Variants in KCTD7 observed in about 807,000 individuals in gnomAD.
The protein encoded by KCTD7 is potassium channel tetramerization domain containing 7.
A neutral mutation model predicts 27.0 loss-of-function variants in KCTD7; 15 were observed. That is an observed-to-expected ratio of 0.56 (90% CI 0.37 to 0.86). The LOEUF (loss-of-function observed/expected upper bound fraction) is 0.86, where lower values mean the gene tolerates loss of function less well. Ranked by LOEUF, KCTD7 falls within the 40% of genes least tolerant of loss-of-function variation. The probability of loss-of-function intolerance (pLI) is 0.00; values close to 1 mark genes in which losing one functional copy is unlikely to be tolerated. For synonymous variants in KCTD7, 159 were observed against 162.7 expected, an observed-to-expected ratio of 0.98 and a Z score of 0.17; for missense variants, 299 against 398.9, an observed-to-expected ratio of 0.75 and a Z score of 2.13.
At position 66,629,166 on chromosome 7, in the gene KCTD7, G is replaced by A. The variant is rs769985127; in HGVS notation, c.102G>A (p.Thr34=). ...EDDFLEPATP[T]ATQAGHALPL... is the part of the protein sequence containing the mutation. ...ACTTTCTGGAGCCGGCCACGCCGACGGCCACGCAGGCGGGGCACGCGCTGC... is the reference window on the plus strand; with the variant it reads ...ACTTTCTGGAGCCGGCCACGCCGACAGCCACGCAGGCGGGGCACGCGCTGC... The change falls in exon 1 of 4, where the codon ACG becomes ACA. Residue 34 remains threonine (T), a synonymous_variant. Transcript: ENST00000639828. 14 of 1,522,682 alleles carry A rather than the reference G, an allele frequency of 9.2e-6. No homozygotes were observed. The highest frequency in any genetic ancestry group is 2.9e-5 in the African/African-American group (2 of 69,972). 94.3% of individuals were successfully genotyped at this position (1,522,682 alleles called of 1,614,324 possible).
intron 2 of KCTD7, among the ~76,000 whole-genome samples, chr7:66,637,803 A>G (rs1786621337): frequency 6.6e-6 from 1 of 152,138 alleles, no homozygotes; most frequent in East Asian, 1.9e-4. Flanking sequence ...TGATGGTTGG[A>G]TGGGTATATT....
chr7:66,642,893 G>A lies in KCTD7; in HGVS notation c.*3661G>A. On this transcript the variant is annotated 3_prime_UTR_variant, in exon 4 of 4. Transcript: ENST00000639828. ...GGGAACAGGCAGTCACCTCGAGTGT[G>A]GGAGGTCACCTGGGTCCGTCGTCTT... The A allele has an allele frequency of 1.0e-6, 1 of 985,480 alleles. No individual in the cohort carries two copies. Among genetic ancestry groups the A allele is most frequent in the Non-Finnish European group, 1.2e-6 (1 of 829,996 alleles). The allele number at this position is 985,480 out of a possible 1,614,324, so 61.0% of individuals were successfully genotyped here.
At chr7:66,633,122 G>T (rs1786492357) in intron 1 of KCTD7, among the ~76,000 whole-genome samples, 153 bp from the exon 2 acceptor site, 1 of 152,010 alleles carries the variant, frequency 6.6e-6, no homozygotes, top group Non-Finnish European at 1.5e-5. Context: ...TGGGGCAGAG[G>T]GAGGAGAGAG....
rs1225810380 is a variant in KCTD7, at chr7:66,633,337, G to A, written c.207G>A (p.Leu69=). 6.2e-7 allele frequency: 1 copy of A among 1,613,930 alleles called. No individual in the cohort carries two copies. The highest frequency in any genetic ancestry group is 1.3e-5 in the African/African-American group (1 of 75,010). ...GAHFTTRLST[L]RCYEDTMLAA... Reference sequence around the variant, plus strand: ...ACTTCACTACACGCCTGTCCACACTGCGGTGCTACGAAGACACCATGTTGG... The same window carrying A: ...ACTTCACTACACGCCTGTCCACACTACGGTGCTACGAAGACACCATGTTGG... Residue 69 remains leucine (L), a synonymous_variant, in exon 2 of 4, where the codon CTG becomes CTA. Coordinates refer to ENST00000639828, the MANE Select transcript of KCTD7 (RefSeq NM_153033.5).
At position 66,639,501 on chromosome 7, in the gene KCTD7, G is replaced by A. The variant is rs1786665143; in HGVS notation, c.*269G>A. 1 of 1,402,672 alleles carries A rather than the reference G, an allele frequency of 7.1e-7. No individual in the cohort carries two copies. The highest frequency in any genetic ancestry group is 2.9e-5 in the Admixed American group (1 of 34,142). 86.9% of individuals were successfully genotyped at this position (1,402,672 alleles called of 1,614,324 possible). A position where few individuals can be genotyped will look rare whatever the true frequency, so the allele number is the denominator to read the frequency against. Reference sequence around the variant, plus strand: ...GGCATGGTAGTCTTTCCTTGAGGCTGATAGCTAGGGCTTGACCAGGAAGTC... The same window carrying A: ...GGCATGGTAGTCTTTCCTTGAGGCTAATAGCTAGGGCTTGACCAGGAAGTC... On this transcript the variant is annotated 3_prime_UTR_variant, in exon 4 of 4. Coordinates refer to ENST00000639828, the MANE Select transcript of KCTD7 (RefSeq NM_153033.5).
chr7:66,643,203 A>G, downstream of KCTD7: 1 of 985,280 alleles, frequency 1.0e-6, no homozygotes, highest in African/African-American at 1.7e-5. Flanking sequence ...CAGCAGCTGA[A>G]TTTCTGCCCT....
Position 66,640,826 on chromosome 7 carries a change from A to T in KCTD7, c.*1594A>T. 2 of 977,326 alleles carry T rather than the reference A, an allele frequency of 2.0e-6. No homozygotes were observed. Among genetic ancestry groups the T allele is most frequent in the South Asian group, 4.7e-5 (1 of 21,224 alleles). The allele number at this position is 977,326 out of a possible 1,614,324, so 60.5% of individuals were successfully genotyped here. The stretch of plus-strand genomic sequence containing the variant: ...ACTGTGCTCCAGCCTGGGCAACACC[A>T]TCGTAAAAATAAATAAATAAATAAA... On this transcript the variant is annotated 3_prime_UTR_variant, in exon 4 of 4. Coordinates refer to ENST00000639828, the MANE Select transcript of KCTD7 (RefSeq NM_153033.5).
rs890525029 is a variant in KCTD7, at chr7:66,639,392, A to G, written c.*160A>G. Reference sequence around the variant, plus strand: ...CCCAGGGGACAGAGGTGTAGCTCCAATCTCCCTGACTGCACCTCAGGGTTG... The same window carrying G: ...CCCAGGGGACAGAGGTGTAGCTCCAGTCTCCCTGACTGCACCTCAGGGTTG... On this transcript the variant is annotated 3_prime_UTR_variant, in exon 4 of 4. Coordinates refer to ENST00000639828, the MANE Select transcript of KCTD7 (RefSeq NM_153033.5). 175 of 1,516,568 alleles carry G rather than the reference A, an allele frequency of 1.2e-4. No homozygotes were observed. Among genetic ancestry groups the G allele is most frequent in the South Asian group, 2.0e-4 (16 of 81,632 alleles). 93.9% of individuals were successfully genotyped at this position (1,516,568 alleles called of 1,614,324 possible). A position where few individuals can be genotyped will look rare whatever the true frequency, so the allele number is the denominator to read the frequency against.
chr7:66,631,814 T>C (rs1220036574), intron 1 of KCTD7, among the ~76,000 whole-genome samples: 1 of 152,124 alleles, frequency 6.6e-6, no homozygotes, highest in Non-Finnish European at 1.5e-5. Flanking sequence ...GAACCTTAGC[T>C]GGACCGGAAA....
chr7:66,637,644 T>C (rs1786618520), intron 2 of KCTD7, among the ~76,000 whole-genome samples: 1 of 152,204 alleles, frequency 6.6e-6, no homozygotes, highest in Admixed American at 6.5e-5. Context: ...GAACATACTA[T>C]ATAATTCTGT....
intron 2 of KCTD7, among the ~76,000 whole-genome samples, chr7:66,636,763 A>G (rs1191822338): frequency 1.3e-5 from 2 of 152,194 alleles, no homozygotes; most frequent in Admixed American, 1.3e-4. Flanking sequence ...ACAGAACAAG[A>G]TCCTATCTCT....
chr7:66,632,226 G>A (rs959461601), intron 1 of KCTD7, among the ~76,000 whole-genome samples: 1 of 150,814 alleles, frequency 6.6e-6, no homozygotes, highest in African/African-American at 2.4e-5. Flanking sequence ...GGTGGCTCAC[G>A]CCGGTAATCC....
At position 66,628,955 on chromosome 7, in the gene KCTD7, G is replaced by C. The variant is rs1786375681; in HGVS notation, c.-110G>C. 8.5e-7 allele frequency: 1 copy of C among 1,178,106 alleles called. No individual in the cohort carries two copies. The highest frequency in any genetic ancestry group is 1.6e-5 in the African/African-American group (1 of 62,068). 73.0% of individuals were successfully genotyped at this position (1,178,106 alleles called of 1,614,324 possible). A position where few individuals can be genotyped will look rare whatever the true frequency, so the allele number is the denominator to read the frequency against. On this transcript the variant is annotated 5_prime_UTR_variant, in exon 1 of 4. Transcript: ENST00000639828. Reference sequence around the variant, plus strand: ...GCGCACTGCCTCTCGCCCCCCTCCGGCCAGCCCGCAGCCGGCCGCGTCATG... The same window carrying C: ...GCGCACTGCCTCTCGCCCCCCTCCGCCCAGCCCGCAGCCGGCCGCGTCATG...
intron 1 of KCTD7, among the ~76,000 whole-genome samples, chr7:66,631,695 G>GA (rs1385494791): frequency 5.3e-5 from 8 of 150,246 alleles, no homozygotes; most frequent in East Asian, 4.0e-4. Context: ...ACCACAAGCA[G>GA]TGCAAAACAG....
In KCTD7 at chr7:66,640,781, G is replaced by A. The variant is rs1207944907; in HGVS notation, c.*1549G>A. 196 of 991,090 alleles carry A rather than the reference G, an allele frequency of 2.0e-4. No homozygotes were observed. Among genetic ancestry groups the A allele is most frequent in the Non-Finnish European group, 2.3e-4 (193 of 828,506 alleles). 61.4% of individuals were successfully genotyped at this position (991,090 alleles called of 1,614,324 possible). A position where few individuals can be genotyped will look rare whatever the true frequency, so the allele number is the denominator to read the frequency against. On this transcript the variant is annotated 3_prime_UTR_variant, in exon 4 of 4. Coordinates refer to ENST00000639828, the MANE Select transcript of KCTD7 (RefSeq NM_153033.5). Reference sequence around the variant, plus strand: ...GGAGATTAAGACTGTAGTATACTATGATCGTGCCTGTGGCTAGCCACTGTG... The same window carrying A: ...GGAGATTAAGACTGTAGTATACTATAATCGTGCCTGTGGCTAGCCACTGTG...
intron 2 of KCTD7, among the ~76,000 whole-genome samples, chr7:66,633,799 A>G (rs1786510473): frequency 6.6e-6 from 1 of 151,774 alleles, no homozygotes; most frequent in African/African-American, 2.4e-5. Flanking sequence ...CCAGCTCATT[A>G]CAGCATGGTG....
chr7:66,638,382 G>T lies in KCTD7; in HGVS notation c.444G>T (p.Lys148Asn), dbSNP rs746540809. The change falls in exon 3 of 4, where the codon AAG (lysine) becomes AAT (asparagine). Residue 148 changes from lysine (K) to asparagine (N), a missense_variant. By Grantham distance (94) the Lys-to-Asn change is moderately conservative. Coordinates refer to ENST00000639828, the MANE Select transcript of KCTD7 (RefSeq NM_153033.5). ...LEQLENMQPL[K>N]GEKVRQAFLG... ...AGCTGGAGAACATGCAGCCACTGAA[G>T]GGCGAGAAGGTGCGCCAAGCGTTTC... The T allele has an allele frequency of 1.7e-5, 28 of 1,614,138 alleles. No individual in the cohort carries two copies. Among genetic ancestry groups the T allele is most frequent in the Non-Finnish European group, 2.3e-5 (27 of 1,180,056 alleles).
chr7:66,640,657 C>T lies in KCTD7; in HGVS notation c.*1425C>T. 1 of 1,326,574 alleles carries T rather than the reference C, an allele frequency of 7.5e-7. No individual in the cohort carries two copies. The highest frequency in any genetic ancestry group is 9.6e-7 in the Non-Finnish European group (1 of 1,037,990). The allele number at this position is 1,326,574 out of a possible 1,614,324, so 82.2% of individuals were successfully genotyped here. A position where few individuals can be genotyped will look rare whatever the true frequency, so the allele number is the denominator to read the frequency against. On this transcript the variant is annotated 3_prime_UTR_variant, in exon 4 of 4. Coordinates refer to ENST00000639828, the MANE Select transcript of KCTD7 (RefSeq NM_153033.5). ...GCGAGCCAGGAACATGTCTGTAGTC[C>T]CAGCTACTTGGGCACACGCCTGTAG...
At chr7:66,638,023 C>A (rs1292993779) in intron 2 of KCTD7, among the ~76,000 whole-genome samples, 1 of 152,038 alleles carries the variant, frequency 6.6e-6, no homozygotes, top group Non-Finnish European at 1.5e-5. Flanking sequence ...TTATTGAGGC[C>A]CTACTCTGTG....
Sources: gnomAD v4.1 joint callset for allele counts (sites outside exome capture counted in the v4.1 genomes callset) on GRCh38, gnomAD v4.1.1 for gene constraint, MANE v1.5 for transcripts, NCBI Gene and HGNC (gene_info 2026-07-23, HGNC 2026-07-21) for gene names.